UGCG: variants seen among roughly 807,000 people sequenced by gnomAD.
UGCG encodes UDP-glucose ceramide glucosyltransferase.
A neutral mutation model predicts 49.5 loss-of-function variants in UGCG; 10 were observed. The ratio of observed to expected loss-of-function variants is 0.20; its 90% CI spans 0.12 to 0.34. The LOEUF (loss-of-function observed/expected upper bound fraction) is 0.34, where lower values mean the gene tolerates loss of function less well. UGCG is among the 10% of genes least tolerant of loss of function. The probability of loss-of-function intolerance (pLI) is 1.00; values close to 1 mark genes in which losing one functional copy is unlikely to be tolerated. For missense variants in UGCG, 312 were observed against 483.7 expected (o/e 0.65, Z 3.33); for synonymous variants, 182 against 158.2 (o/e 1.15, Z -1.13).
intron 1 of UGCG, among the ~76,000 whole-genome samples, chr9:111,902,361 G>A (rs1474225504): frequency 6.6e-6 from 1 of 152,194 alleles, no homozygotes; most frequent in African/African-American, 2.4e-5. Flanking sequence ...GTGTTAGCAA[G>A]GTTAAGCTTG....
At chr9:111,904,308 A>G (rs531437256) in intron 1 of UGCG, among the ~76,000 whole-genome samples, 36 of 152,138 alleles carry the variant, frequency 2.4e-4, no homozygotes, top group Non-Finnish European at 4.6e-4. Context: ...ACTACTACAC[A>G]TTGGTAGTCT....
chr9:111,912,899 G>A (rs1838041239), intron 1 of UGCG, among the ~76,000 whole-genome samples: 1 of 152,030 alleles, frequency 6.6e-6, no homozygotes, highest in African/African-American at 2.4e-5. Context: ...GTGTGTGTGT[G>A]TGTGTGCGTG....
At chr9:111,909,475 G>T (rs541013232) in intron 1 of UGCG, among the ~76,000 whole-genome samples, 54 of 152,190 alleles carry the variant, frequency 3.5e-4, no homozygotes, top group Non-Finnish European at 6.6e-4. Flanking sequence ...CGATTCTCCA[G>T]AGCAAAGCTT....
chr9:111,919,655 C>A (rs1349095851), intron 2 of UGCG, among the ~76,000 whole-genome samples: 3 of 145,232 alleles, frequency 2.1e-5, no homozygotes, highest in Non-Finnish European at 4.6e-5. Flanking sequence ...ATTAGCCGGG[C>A]GTGGTGGCGG....
intron 1 of UGCG, among the ~76,000 whole-genome samples, chr9:111,913,823 T>G (rs754248507): frequency 2.0e-5 from 3 of 152,126 alleles, no homozygotes; most frequent in Non-Finnish European, 4.4e-5. Context: ...GGCCATTTGG[T>G]CACTTATCTA....
At chr9:111,913,460 G>A (rs544534975) in intron 1 of UGCG, among the ~76,000 whole-genome samples, 1 of 152,036 alleles carries the variant, frequency 6.6e-6, no homozygotes. Flanking sequence ...TTGAGACGGA[G>A]TCTCACTCTG....
intron 2 of UGCG, 64 bp from the exon 3 acceptor site, chr9:111,922,785 A>G (rs1033301390): frequency 5.7e-5 from 69 of 1,203,744 alleles, no homozygotes; most frequent in Admixed American, 7.0e-5. Context: ...TGTTCAATCA[A>G]TACATGCTAG....
Position 111,925,083 on chromosome 9 carries a change from G to T in UGCG, c.445+205G>T, listed in dbSNP as rs960897930. 3.2e-4 allele frequency among the ~76,000 whole-genome samples: 49 copies of T among 152,154 alleles called. 1 individual carries two copies. Among genetic ancestry groups the T allele is most frequent in the African/African-American group, 1.1e-3 (44 of 41,526 alleles). ...ACTAGAATGTTACATGTATTAAAAT[G>T]TTTTCATTTTGAAGAGAAAATTTCA... is the stretch of plus-strand genomic sequence containing the variant. On this transcript the variant is annotated intron_variant, in intron 4 of 8. Transcript: ENST00000374279.
intron 6 of UGCG, among the ~76,000 whole-genome samples, chr9:111,930,620 G>A (rs1169607985): frequency 1.3e-5 from 2 of 151,652 alleles, no homozygotes; most frequent in Non-Finnish European, 2.9e-5. Context: ...GGCACCCGCC[G>A]CCACACTCAG....
intron 2 of UGCG, among the ~76,000 whole-genome samples, chr9:111,921,632 CAGTG>C (rs1202011723): frequency 5.7e-5 from 8 of 140,924 alleles, no homozygotes; most frequent in African/African-American, 1.9e-4. Context: ...ACCTGGGTGA[CAGTG>C]AGACTCTGTC....
chr9:111,907,385 A>G (rs1837907324), intron 1 of UGCG, among the ~76,000 whole-genome samples: 1 of 152,206 alleles, frequency 6.6e-6, no homozygotes, highest in Admixed American at 6.5e-5. Context: ...ATGTGAAAAG[A>G]AAATCTGCAT....
chr9:111,929,512 A>G lies in UGCG; in HGVS notation c.571A>G (p.Thr191Ala), dbSNP rs1408820554. Reference sequence around the variant, plus strand: ...GTTTTTTGGGCAGGTATATTTTGGAACTTCACATCCAAGATACTATATCTC... The same window carrying G: ...GTTTTTTGGGCAGGTATATTTTGGAGCTTCACATCCAAGATACTATATCTC... ...AATLEQVYFG[T>A]SHPRYYISAN... is the part of the protein sequence containing the mutation. Residue 191 changes from threonine to alanine, a missense_variant, in exon 6 of 9, where the codon ACT (threonine) becomes GCT (alanine). Thr to Ala is a moderately conservative substitution (Grantham distance 58, BLOSUM62 0). Around this residue, in one of 4 missense-constraint regions of UGCG, gnomAD observed 180 missense variants for 320.4 expected, o/e 0.56. Coordinates refer to ENST00000374279, the MANE Select transcript of UGCG (RefSeq NM_003358.3). The G allele has an allele frequency of 6.2e-7, 1 of 1,610,678 alleles. No individual in the cohort carries two copies. The highest frequency in any genetic ancestry group is 2.2e-5 in the East Asian group (1 of 44,772).
In UGCG at chr9:111,933,116, T is replaced by G. The variant is rs1249285127; in HGVS notation, c.*119T>G. On this transcript the variant is annotated 3_prime_UTR_variant, in exon 9 of 9. Coordinates refer to ENST00000374279, the MANE Select transcript of UGCG (RefSeq NM_003358.3). ...ATCACATGTATGTTTTGGTATCTGT[T>G]CTTTAATTTATTTTTGCATGGCACT... 1.9e-6 allele frequency: 2 copies of G among 1,025,876 alleles called. No homozygotes were observed. Among genetic ancestry groups the G allele is most frequent in the African/African-American group, 3.3e-5 (2 of 60,070 alleles). The allele number at this position is 1,025,876 out of a possible 1,614,324, so 63.5% of individuals were successfully genotyped here.
At chr9:111,913,401 G>A (rs1838052961) in intron 1 of UGCG, among the ~76,000 whole-genome samples, 1 of 152,024 alleles carries the variant, frequency 6.6e-6, no homozygotes, top group African/African-American at 2.4e-5. Context: ...ACAGCCTGAT[G>A]TTAACTGGGG....
intron 1 of UGCG, among the ~76,000 whole-genome samples, chr9:111,905,766 A>G (rs1216521543): frequency 6.6e-6 from 1 of 152,226 alleles, no homozygotes; most frequent in African/African-American, 2.4e-5. Flanking sequence ...TCCTTCATGC[A>G]TTACTGATTC....
intron 1 of UGCG, among the ~76,000 whole-genome samples, chr9:111,903,818 A>G (rs1837824340): frequency 6.6e-6 from 1 of 151,904 alleles, no homozygotes; most frequent in South Asian, 2.1e-4. Flanking sequence ...CTGGTCTCGA[A>G]CTCCTGAGCT....
chr9:111,921,875 G>A (rs572474278), intron 2 of UGCG, among the ~76,000 whole-genome samples: 2 of 133,880 alleles, frequency 1.5e-5, no homozygotes, highest in Admixed American at 9.0e-5. Flanking sequence ...TAGTGGCGCA[G>A]TCTTCGGCTC....
intron 1 of UGCG, among the ~76,000 whole-genome samples, chr9:111,907,298 A>G (rs567426507): frequency 6.6e-6 from 1 of 152,320 alleles, no homozygotes; most frequent in Non-Finnish European, 1.5e-5. Context: ...TGGCGTGTGC[A>G]CATGTGAGAA....
chr9:111,910,458 C>T (rs1363147034), intron 1 of UGCG, among the ~76,000 whole-genome samples: 1 of 152,170 alleles, frequency 6.6e-6, no homozygotes, highest in African/African-American at 2.4e-5. Flanking sequence ...ACCTGTCCCT[C>T]TCTCTGGGCT....
Sources: allele counts gnomAD v4.1 joint callset (sites outside exome capture counted in the v4.1 genomes callset), GRCh38; gene constraint gnomAD v4.1.1; regional missense constraint gnomAD v4.1.1; transcripts MANE v1.5; gene names NCBI Gene and HGNC (gene_info 2026-07-23, HGNC 2026-07-21).